PIK3CA: variants seen among roughly 807,000 people sequenced by gnomAD.
PIK3CA encodes the protein phosphatidylinositol-4,5-bisphosphate 3-kinase catalytic subunit alpha.
A neutral mutation model predicts 138.2 loss-of-function variants in PIK3CA; 27 were observed. The observed-to-expected ratio is 0.20, with a 90% CI of 0.14 to 0.27. The LOEUF (loss-of-function observed/expected upper bound fraction) is 0.27, where lower values mean the gene tolerates loss of function less well. Among genes scored for constraint, PIK3CA ranks in the 10% least tolerant of loss-of-function variants. The pLI, the probability that PIK3CA is intolerant of heterozygous loss-of-function variation, is 1.00. For missense variants in PIK3CA, 544 were observed against 1,277.4 expected (o/e 0.43, Z 8.75); for synonymous variants, 358 against 413.2 (o/e 0.87, Z 1.62).
rs2108423927 is a variant in PIK3CA at position 179,229,999 on chromosome 3, T to C, written c.2667-5T>C. On this transcript the variant is annotated splice_polypyrimidine_tract_variant and splice_region_variant and intron_variant, in intron 18 of 20. Transcript: ENST00000263967. ...TACTACTCATGAGGTGTTTATTCTT[T>C]GTAGATATGATGCAGCCATTGACCT... 2 of 1,596,552 alleles carry C rather than the reference T, an allele frequency of 1.3e-6. No homozygotes were observed. The highest frequency in any genetic ancestry group is 1.7e-6 in the Non-Finnish European group (2 of 1,165,228).
intron 1 of PIK3CA, among the ~76,000 whole-genome samples, chr3:179,180,039 A>G (rs1325825180): frequency 2.6e-5 from 4 of 152,232 alleles, no homozygotes; most frequent in African/African-American, 9.6e-5. Context: ...GGGAAAAATA[A>G]GAGAAGAGCA....
chr3:179,204,383 A>G (rs1341245613), intron 5 of PIK3CA, 120 bp from the exon 6 acceptor site: 5 of 524,520 alleles, frequency 9.5e-6, no homozygotes, highest in Non-Finnish European at 1.8e-5. Flanking sequence ...TATGTGAAAA[A>G]AAGGAGAACC....
intron 1 of PIK3CA, among the ~76,000 whole-genome samples, chr3:179,184,283 T>G (rs1723919404): frequency 6.6e-6 from 1 of 152,204 alleles, no homozygotes; most frequent in Non-Finnish European, 1.5e-5. Context: ...GTCATTTGAT[T>G]TTGAAAATAT....
rs985264224 is a variant in PIK3CA at position 179,236,326 on chromosome 3, A to G, written c.*1962A>G. The G allele has an allele frequency of 9.5e-6, 2 of 209,588 alleles. No homozygotes were observed. The highest frequency in any genetic ancestry group is 4.5e-5 in the African/African-American group (2 of 44,026). The allele number at this position is 209,588 out of a possible 1,614,324, so 13.0% of individuals were successfully genotyped here. ...CTTGCGATAGTTAAGCAGAATTTAA[A>G]CTCTGTTTTAAGCAGGAAACCAGAA... On this transcript the variant is annotated 3_prime_UTR_variant, in exon 21 of 21. Coordinates refer to ENST00000263967, the MANE Select transcript of PIK3CA (RefSeq NM_006218.4).
At chr3:179,175,130 C>T (rs1464948238) in intron 1 of PIK3CA, among the ~76,000 whole-genome samples, 1 of 152,208 alleles carries the variant, frequency 6.6e-6, no homozygotes, top group African/African-American at 2.4e-5. Context: ...CCCATACCTT[C>T]ATGGTTGACT....
chr3:179,224,866 T>A (rs1210087430), intron 16 of PIK3CA, 45 bp downstream of exon 16: 1 of 1,406,976 alleles, frequency 7.1e-7, no homozygotes. Context: ...AATTTAGCTA[T>A]CTTTTTATAC....
chr3:179,187,907 G>A (rs1039421848), intron 1 of PIK3CA, among the ~76,000 whole-genome samples: 6 of 152,262 alleles, frequency 3.9e-5, no homozygotes, highest in African/African-American at 1.4e-4. Flanking sequence ...AAAATGCTGG[G>A]ATTATAGGCA....
At chr3:179,180,661 T>C (rs1420451903) in intron 1 of PIK3CA, among the ~76,000 whole-genome samples, 3 of 152,010 alleles carry the variant, frequency 2.0e-5, no homozygotes, top group Admixed American at 6.6e-5. Flanking sequence ...ATTGAGAAAG[T>C]GGTGATGTCA....
intron 9 of PIK3CA, among the ~76,000 whole-genome samples, chr3:179,217,094 G>A (rs964289538): frequency 1.3e-5 from 2 of 152,084 alleles, no homozygotes; most frequent in African/African-American, 2.4e-5. Flanking sequence ...TGCCCATCAG[G>A]CTCACTGGCT....
Position 179,238,609 on chromosome 3 carries a change from A to G in PIK3CA, c.*4245A>G. 2 of 222,492 alleles carry G rather than the reference A, an allele frequency of 9.0e-6. No individual in the cohort carries two copies. Among genetic ancestry groups the G allele is most frequent in the Non-Finnish European group, 1.8e-5 (2 of 111,164 alleles). The allele number at this position is 222,492 out of a possible 1,614,324, so 13.8% of individuals were successfully genotyped here. ...GCATGCCTTGTTTTTAATGATATGG[A>G]AGACCTTAAGAAAAAAACTTGGCTG... On this transcript the variant is annotated 3_prime_UTR_variant, in exon 21 of 21. Transcript: ENST00000263967.
intron 1 of PIK3CA, among the ~76,000 whole-genome samples, chr3:179,194,332 TC>T (rs1328729224): frequency 6.6e-6 from 1 of 152,140 alleles, no homozygotes; most frequent in African/African-American, 2.4e-5. Flanking sequence ...AAAATGATCC[TC>T]CCACCTCAGC....
intron 1 of PIK3CA, among the ~76,000 whole-genome samples, chr3:179,157,988 A>C (rs1022402292): frequency 1.3e-5 from 2 of 152,154 alleles, no homozygotes; most frequent in African/African-American, 4.8e-5. Context: ...TGTTGTACAT[A>C]GTAAGCACTC....
intron 5 of PIK3CA, 93 bp downstream of exon 5, chr3:179,203,882 G>GT (rs2108393671): frequency 1.2e-6 from 1 of 863,204 alleles, no homozygotes; most frequent in Non-Finnish European, 1.7e-6. Flanking sequence ...CCTGTAGTAT[G>GT]TTTTCAGATG....
chr3:179,198,372 T>A (rs1269953887), intron 1 of PIK3CA, among the ~76,000 whole-genome samples: 1 of 152,202 alleles, frequency 6.6e-6, no homozygotes, highest in African/African-American at 2.4e-5. Context: ...ATTCTGTTTT[T>A]CCGTAAGATA....
intron 1 of PIK3CA, among the ~76,000 whole-genome samples, chr3:179,184,875 A>G (rs961819888): frequency 3.9e-5 from 6 of 152,238 alleles, no homozygotes; most frequent in Non-Finnish European, 8.8e-5. Context: ...TCTCAAGACA[A>G]TAGGGCTAAT....
intron 1 of PIK3CA, among the ~76,000 whole-genome samples, chr3:179,193,061 G>A (rs978998607): frequency 6.6e-6 from 1 of 152,114 alleles, no homozygotes; most frequent in African/African-American, 2.4e-5. Flanking sequence ...TCTTAAAGGC[G>A]TCGTTACTTC....
chr3:179,214,867 T>C (rs981778432), intron 9 of PIK3CA, among the ~76,000 whole-genome samples: 2 of 152,180 alleles, frequency 1.3e-5, no homozygotes, highest in African/African-American at 2.4e-5. Context: ...AATTTAAATA[T>C]TGATCTAGTT....
chr3:179,231,428 C>T (rs1725208176), intron 20 of PIK3CA, among the ~76,000 whole-genome samples: 1 of 152,022 alleles, frequency 6.6e-6, no homozygotes, highest in Admixed American at 6.6e-5. Context: ...AGTGTATAAG[C>T]ATTCTCATTT....
At position 179,238,478 on chromosome 3, in the gene PIK3CA, AC is replaced by A; in HGVS notation, c.*4116del. The A allele has an allele frequency of 4.5e-6, 1 of 220,132 alleles. No individual in the cohort carries two copies. The highest frequency in any genetic ancestry group is 1.9e-4 in the South Asian group (1 of 5,364). The allele number at this position is 220,132 out of a possible 1,614,324, so 13.6% of individuals were successfully genotyped here. A position where few individuals can be genotyped will look rare whatever the true frequency, so the allele number is the denominator to read the frequency against. ...CTGATAAAATTGGATTGGTAACTCT[AC>A]CTCAGAAGGAAAATGGGAAAAAAAA... On this transcript the variant is annotated 3_prime_UTR_variant, in exon 21 of 21. Coordinates refer to ENST00000263967, the MANE Select transcript of PIK3CA (RefSeq NM_006218.4).
Sources: gnomAD v4.1 joint callset for allele counts (sites outside exome capture counted in the v4.1 genomes callset) on GRCh38, gnomAD v4.1.1 for gene constraint, MANE v1.5 for transcripts, NCBI Gene and HGNC (gene_info 2026-07-23, HGNC 2026-07-21) for gene names.